Variants in SAP130 observed in about 807,000 individuals in gnomAD.
SAP130 encodes histone deacetylase complex subunit SAP130.
Under a neutral mutation model 103.2 loss-of-function variants are expected in SAP130, and 16 were observed. The observed-to-expected ratio is 0.16, with a 90% CI of 0.10 to 0.24. The LOEUF (loss-of-function observed/expected upper bound fraction) is 0.24, where lower values mean the gene tolerates loss of function less well. Ranked by LOEUF, SAP130 falls within the 10% of genes least tolerant of loss-of-function variation. The pLI is 1.00. For missense variants in SAP130, 990 were observed against 1,359.7 expected (o/e 0.73, Z 4.28); for synonymous variants, 477 against 497.0 (o/e 0.96, Z 0.53).
chr2:127,951,265 T>C (rs953861169), intron 16 of SAP130, among the ~76,000 whole-genome samples: 1 of 152,180 alleles, frequency 6.6e-6, no homozygotes, highest in Non-Finnish European at 1.5e-5. Context: ...GTATGAATCA[T>C]ACATCTAGGA....
At chr2:128,012,984 G>A (rs745680292) in intron 6 of SAP130, 46 bp downstream of exon 6, 4 of 1,556,794 alleles carry the variant, frequency 2.6e-6, no homozygotes, top group East Asian at 2.3e-5. Context: ...CTGGCAGAAT[G>A]AATAACTCCA....
chr2:127,962,566 A>G (rs1219475238), intron 15 of SAP130, among the ~76,000 whole-genome samples: 1 of 152,184 alleles, frequency 6.6e-6, no homozygotes, highest in Non-Finnish European at 1.5e-5. Flanking sequence ...TGATGAGTTC[A>G]TGTCCTTTGT....
intron 6 of SAP130, among the ~76,000 whole-genome samples, chr2:128,012,564 T>C (rs1684471245): frequency 6.6e-6 from 1 of 152,160 alleles, no homozygotes; most frequent in Non-Finnish European, 1.5e-5. Flanking sequence ...AATTTATAGA[T>C]ACTATATTTC....
chr2:127,968,494 C>A (rs1680836957), intron 15 of SAP130, among the ~76,000 whole-genome samples: 1 of 149,170 alleles, frequency 6.7e-6, no homozygotes. Context: ...CACCACCGCA[C>A]TCCAGCCTGG....
chr2:128,013,231 T>A (rs1294691443), intron 5 of SAP130, 77 bp from the exon 6 acceptor site: 2 of 1,353,750 alleles, frequency 1.5e-6, no homozygotes, highest in Non-Finnish European at 2.0e-6. Flanking sequence ...TTCCCAAAAC[T>A]CAGATAGCAT....
At chr2:128,011,514 T>C (rs1684395663) in intron 6 of SAP130, among the ~76,000 whole-genome samples, 1 of 152,202 alleles carries the variant, frequency 6.6e-6, no homozygotes, top group Admixed American at 6.5e-5. Context: ...CAGGTGCGTG[T>C]CTCACACTAG....
chr2:128,027,312 T>C (rs1573876992), intron 1 of SAP130: 1 of 1,030,206 alleles, frequency 9.7e-7, no homozygotes, highest in East Asian at 4.4e-5. Context: ...AACCTGCCCC[T>C]GCCTCCCCCG....
chr2:127,971,379 G>T (rs1171860048), intron 15 of SAP130, among the ~76,000 whole-genome samples: 2 of 150,020 alleles, frequency 1.3e-5, no homozygotes, highest in Non-Finnish European at 3.0e-5. Flanking sequence ...TCCACCTCCA[G>T]GGTTCACACC....
chr2:127,961,295 T>G (rs1171565262), intron 15 of SAP130, among the ~76,000 whole-genome samples: 2 of 141,640 alleles, frequency 1.4e-5, no homozygotes, highest in Non-Finnish European at 3.1e-5. Context: ...TGTACCACCA[T>G]GCCCAGCTAA....
chr2:127,954,900 G>C, intron 16 of SAP130, 86 bp downstream of exon 16: 1 of 1,074,976 alleles, frequency 9.3e-7, no homozygotes, highest in Admixed American at 2.3e-5. Context: ...TTGGCTGAGG[G>C]TTACAGAAGA....
chr2:127,990,480 A>C (rs932209098), intron 12 of SAP130, among the ~76,000 whole-genome samples: 1 of 152,222 alleles, frequency 6.6e-6, no homozygotes, highest in Admixed American at 6.5e-5. Context: ...AAAACAATCC[A>C]GAGATGTTGG....
intron 15 of SAP130, among the ~76,000 whole-genome samples, chr2:127,969,114 A>G (rs1680887840): frequency 6.6e-6 from 1 of 152,230 alleles, no homozygotes; most frequent in Non-Finnish European, 1.5e-5. Flanking sequence ...AACTGGGGCC[A>G]ATTTCAAGCT....
At position 127,989,807 on chromosome 2, in the gene SAP130, T is replaced by C; in HGVS notation, c.1537A>G (p.Thr513Ala). 2.5e-6 allele frequency: 4 copies of C among 1,614,180 alleles called. No homozygotes were observed. The highest frequency in any genetic ancestry group is 2.2e-5 in the East Asian group (1 of 44,888). The change falls in exon 13 of 21, where the codon ACC (threonine) becomes GCC (alanine). Residue 513 changes from threonine (T) to alanine (A), a missense_variant. This residue lies in a region of SAP130 where 336 missense variants were observed against 520.1 expected (regional missense o/e 0.65). Transcript: ENST00000643581. The surrounding 1 kb of genome is among the most constrained non-coding windows in gnomAD (Gnocchi z 4.6). ...TAQTGVGVASTVHLNPMQLMT... is the reference protein window; with the variant it reads ...TAQTGVGVASAVHLNPMQLMT... ...AACTGCATGGGGTTTAGGTGGACGGTAGACGCTACCCCAACACCAGTCTGA... is the reference window on the plus strand; with the variant it reads ...AACTGCATGGGGTTTAGGTGGACGGCAGACGCTACCCCAACACCAGTCTGA...
rs1006316770 is a variant in SAP130 at position 127,942,856 on chromosome 2, C to G, written c.2902-319G>C. Among the ~76,000 whole-genome samples, 1 of 152,072 alleles carries G rather than the reference C, an allele frequency of 6.6e-6. No individual in the cohort carries two copies. Among genetic ancestry groups the G allele is most frequent in the Non-Finnish European group, 1.5e-5 (1 of 68,022 alleles). ...ATACAAAATTAGCTGGGCGTGGTGG[C>G]GCATGCCTGCAATCCCAGTTACTCG... On this transcript the variant is annotated intron_variant, in intron 19 of 20. Coordinates refer to ENST00000643581, the MANE Select transcript of SAP130 (RefSeq NM_001330301.2). The surrounding 1 kb of genome is among the most constrained non-coding windows in gnomAD (Gnocchi z 4.8).
intron 12 of SAP130, among the ~76,000 whole-genome samples, chr2:127,991,299 C>T (rs764138777): frequency 6.6e-6 from 1 of 152,140 alleles, no homozygotes; most frequent in African/African-American, 2.4e-5. Flanking sequence ...TTTTATTTAA[C>T]CCAATATATT....
At chr2:128,016,087 C>A (rs1684757627) in intron 4 of SAP130, among the ~76,000 whole-genome samples, 1 of 151,962 alleles carries the variant, frequency 6.6e-6, no homozygotes, top group African/African-American at 2.4e-5. Flanking sequence ...CAAACACGAA[C>A]CGGACTCCGG....
chr2:127,965,911 G>T (rs1035425399), intron 15 of SAP130, among the ~76,000 whole-genome samples: 4 of 150,394 alleles, frequency 2.7e-5, no homozygotes, highest in African/African-American at 7.3e-5. Context: ...TGCTAGAACT[G>T]ATGAGGCCTA....
intron 15 of SAP130, among the ~76,000 whole-genome samples, chr2:127,977,311 G>A (rs1425292716): frequency 6.7e-5 from 8 of 119,362 alleles, no homozygotes; most frequent in African/African-American, 1.3e-4. Flanking sequence ...CCGACATGGC[G>A]AAATCCTGAC....
chr2:127,985,405 A>T (rs996918120), intron 14 of SAP130, among the ~76,000 whole-genome samples: 2 of 152,192 alleles, frequency 1.3e-5, no homozygotes, highest in Non-Finnish European at 2.9e-5. Flanking sequence ...CACTTGCTTT[A>T]ATCTTTTGAT....
Sources: allele counts gnomAD v4.1 joint callset (sites outside exome capture counted in the v4.1 genomes callset), GRCh38; gene constraint gnomAD v4.1.1; regional missense constraint gnomAD v4.1.1; non-coding constraint Gnocchi (gnomAD v3.1); transcripts MANE v1.5; gene names NCBI Gene and HGNC (gene_info 2026-07-23, HGNC 2026-07-21).